Variants in AMMECR1 observed in about 807,000 individuals in gnomAD.
AMMECR1 encodes the protein AMMECR nuclear protein 1.
A neutral mutation model predicts 22.5 loss-of-function variants in AMMECR1; 3 were observed. The ratio of observed to expected loss-of-function variants is 0.13; its 90% CI spans 0.06 to 0.35. The LOEUF (loss-of-function observed/expected upper bound fraction) is 0.35, where lower values mean the gene tolerates loss of function less well. AMMECR1 is among the 10% of genes least tolerant of loss of function. AMMECR1 has a pLI of 1.00. For synonymous variants in AMMECR1, 130 were observed against 116.7 expected, an observed-to-expected ratio of 1.11 and a Z score of -0.74; for missense variants, 235 against 278.7, an observed-to-expected ratio of 0.84 and a Z score of 1.12.
At chrX:110,416,361 C>G (rs2068677533) in intron 2 of AMMECR1, among the ~76,000 whole-genome samples, 2 of 112,100 alleles carry the variant, frequency 1.8e-5, no homozygotes, top group Non-Finnish European at 3.8e-5. Flanking sequence ...TAATGTTTAC[C>G]ATGTCCCGGG....
intron 2 of AMMECR1, among the ~76,000 whole-genome samples, chrX:110,339,418 A>AC (rs1218199498): frequency 9.4e-6 from 1 of 106,813 alleles, no homozygotes; most frequent in African/African-American, 3.5e-5. Context: ...AAAAAAAAAA[A>AC]AAAAAAACAA....
intron 2 of AMMECR1, among the ~76,000 whole-genome samples, chrX:110,407,775 C>CTGT (rs1005728217): frequency 4.5e-5 from 5 of 112,335 alleles, no homozygotes; most frequent in Non-Finnish European, 5.6e-5. Context: ...GAAGAGGGCC[C>CTGT]TAACAGAAGG....
chrX:110,202,394 A>G, intron 4 of AMMECR1, 52 bp downstream of exon 4: 6 of 967,082 alleles, frequency 6.2e-6, no homozygotes, highest in Admixed American at 2.3e-5. Context: ...TTCAGTTTGT[A>G]TATTTGTTTA....
At chrX:110,203,193 A>C (rs1290886122) in intron 3 of AMMECR1, among the ~76,000 whole-genome samples, 3 of 111,775 alleles carry the variant, frequency 2.7e-5, no homozygotes, top group Non-Finnish European at 3.8e-5. Context: ...AGCTCTACTA[A>C]ATTTAAGAAT....
Position 110,224,228 on chromosome X carries a change from G to A in AMMECR1, c.585-7596C>T, listed in dbSNP as rs1198854303. Among the ~76,000 whole-genome samples the A allele has an allele frequency of 1.2e-4, 13 of 110,058 alleles. No individual in the cohort carries two copies. The Admixed American group carries it at 1.3e-3, about 11-fold the overall frequency. On this transcript the variant is annotated intron_variant, in intron 2 of 5. Coordinates refer to ENST00000262844, the MANE Select transcript of AMMECR1 (RefSeq NM_015365.3). Reference sequence around the variant, plus strand: ...TAGGAATTAAATGTGGCCATCTCGGGGGATAATGACTACCTTTCCAGGTTC... The same window carrying A: ...TAGGAATTAAATGTGGCCATCTCGGAGGATAATGACTACCTTTCCAGGTTC...
chrX:110,225,574 G>C (rs1307474259), intron 2 of AMMECR1, among the ~76,000 whole-genome samples: 2 of 112,417 alleles, frequency 1.8e-5, no homozygotes, highest in Non-Finnish European at 3.8e-5. Flanking sequence ...GAGTCTAGAA[G>C]TGTTTCAAAC....
At chrX:110,403,935 C>T (rs181908709) in intron 2 of AMMECR1, among the ~76,000 whole-genome samples, 90 of 112,188 alleles carry the variant, frequency 8.0e-4, no homozygotes, top group Non-Finnish European at 1.4e-3. Context: ...CTCCCACTGT[C>T]TTATAATGAT....
chrX:110,439,028 G>A (rs931376306), intron 1 of AMMECR1, among the ~76,000 whole-genome samples: 13 of 112,048 alleles, frequency 1.2e-4, no homozygotes, highest in Non-Finnish European at 2.1e-4. Flanking sequence ...CTCCAAACAA[G>A]TTATGTACCC....
intron 2 of AMMECR1, among the ~76,000 whole-genome samples, chrX:110,402,378 A>G: frequency 8.8e-6 from 1 of 113,075 alleles, no homozygotes; most frequent in East Asian, 2.8e-4. Flanking sequence ...TGCCTTGGTA[A>G]GGCAGGGTTA....
intron 2 of AMMECR1, among the ~76,000 whole-genome samples, chrX:110,349,882 C>T (rs1189738697): frequency 1.8e-5 from 2 of 111,638 alleles, no homozygotes; most frequent in East Asian, 5.6e-4. Context: ...TCATACATGC[C>T]ACTGCATCTC....
At chrX:110,350,444 A>G (rs1316483402) in intron 2 of AMMECR1, among the ~76,000 whole-genome samples, 1 of 111,963 alleles carries the variant, frequency 8.9e-6, no homozygotes, top group African/African-American at 3.3e-5. Context: ...GGAAGTTCTC[A>G]ACAGGGCAAT....
chrX:110,346,308 G>A (rs1291865809), intron 2 of AMMECR1, among the ~76,000 whole-genome samples: 1 of 111,683 alleles, frequency 9.0e-6, no homozygotes, highest in Non-Finnish European at 1.9e-5. Context: ...GTGGACATAG[G>A]CTATGAGTAG....
upstream of AMMECR1, among the ~76,000 whole-genome samples, chrX:110,321,573 A>G (rs2068079195): frequency 8.9e-6 from 1 of 112,076 alleles, no homozygotes; most frequent in South Asian, 3.7e-4. Flanking sequence ...ATAGTTAGTT[A>G]ATATATTATC....
chrX:110,332,044 A>G, intron 2 of AMMECR1, among the ~76,000 whole-genome samples: 1 of 111,491 alleles, frequency 9.0e-6, no homozygotes, highest in East Asian at 2.8e-4. Context: ...TTATAGATCT[A>G]TTCCCTTCTG....
chrX:110,269,037 A>T (rs2067784497), intron 1 of AMMECR1, among the ~76,000 whole-genome samples: 1 of 112,249 alleles, frequency 8.9e-6, no homozygotes, highest in Non-Finnish European at 1.9e-5. Context: ...GGAGAAAAGT[A>T]AACACTCCAT....
intron 1 of AMMECR1, among the ~76,000 whole-genome samples, chrX:110,432,772 C>A (rs1205727259): frequency 8.9e-6 from 1 of 112,480 alleles, no homozygotes; most frequent in East Asian, 2.8e-4. Context: ...TTTCCCCACC[C>A]CTGCTTCCTG....
upstream of AMMECR1, chrX:110,318,334 C>T (rs1330073672): frequency 1.8e-5 from 2 of 112,024 alleles, no homozygotes; most frequent in Admixed American, 1.9e-4. Context: ...AGCCCCAGCC[C>T]CAGCCCCAAT....
At chrX:110,434,918 C>T (rs1288029956) in intron 1 of AMMECR1, among the ~76,000 whole-genome samples, 2 of 109,189 alleles carry the variant, frequency 1.8e-5, no homozygotes, top group East Asian at 2.9e-4. Context: ...GACACCAGCC[C>T]GGAGTGAGAA....
At chrX:110,226,606 C>CAAAACAAAAACA (rs368576707) in intron 2 of AMMECR1, among the ~76,000 whole-genome samples, 1 of 110,301 alleles carries the variant, frequency 9.1e-6, no homozygotes, top group African/African-American at 3.3e-5. Flanking sequence ...GACTCCATCT[C>CAAAACAAAAACA]AAAACAAAAA....
Sources: allele counts gnomAD v4.1 joint callset (sites outside exome capture counted in the v4.1 genomes callset), GRCh38; gene constraint gnomAD v4.1.1; transcripts MANE v1.5; gene names NCBI Gene and HGNC (gene_info 2026-07-23, HGNC 2026-07-21).